The following PALM2AKAP2 variants were observed in gnomAD, a reference collection of about 807,000 sequenced individuals.
The protein encoded by PALM2AKAP2 is PALM2-AKAP2 fusion protein.
In PALM2AKAP2, 37 loss-of-function variants were observed where a neutral mutation model predicts 71.5. That is an observed-to-expected ratio of 0.52 (90% CI 0.40 to 0.68). The LOEUF (loss-of-function observed/expected upper bound fraction) is 0.68. Among genes scored for constraint, PALM2AKAP2 ranks in the 30% least tolerant of loss-of-function variants. The pLI is 0.00. For missense variants in PALM2AKAP2, 1,224 were observed against 1,191.8 expected (o/e 1.03, Z -0.40); for synonymous variants, 468 against 478.8 (o/e 0.98, Z 0.29).
chr9:109,796,881 C>G (rs1827272357), intron 1 of PALM2AKAP2, among the ~76,000 whole-genome samples: 2 of 152,152 alleles, frequency 1.3e-5, no homozygotes, highest in African/African-American at 4.8e-5. Flanking sequence ...TGGGTGGGGA[C>G]ACAGAGCCAA....
chr9:110,028,015 C>T (rs1040049179), intron 7 of PALM2AKAP2, among the ~76,000 whole-genome samples: 7 of 152,214 alleles, frequency 4.6e-5, no homozygotes, highest in Admixed American at 2.6e-4. Flanking sequence ...GAAATATTTT[C>T]GAAGATTTTT....
At chr9:109,740,359 G>A (rs1045335393) in intron 1 of PALM2AKAP2, among the ~76,000 whole-genome samples, 4 of 152,192 alleles carry the variant, frequency 2.6e-5, no homozygotes, top group African/African-American at 9.7e-5. Flanking sequence ...TGAGGATAGG[G>A]AGTGTGGTGT....
At chr9:110,129,152 A>G (rs1002053097) in intron 1 of PALM2AKAP2, among the ~76,000 whole-genome samples, 3 of 152,240 alleles carry the variant, frequency 2.0e-5, no homozygotes, top group African/African-American at 4.8e-5. Context: ...TCACATTTCT[A>G]GCTGACACGT....
intron 3 of PALM2AKAP2, among the ~76,000 whole-genome samples, chr9:109,913,923 A>T (rs1019956668): frequency 6.6e-6 from 1 of 151,822 alleles, no homozygotes; most frequent in Non-Finnish European, 1.5e-5. Context: ...CGCCCAGCTA[A>T]TTTTTTGTAT....
At chr9:109,795,006 A>T (rs1349371031) in intron 1 of PALM2AKAP2, among the ~76,000 whole-genome samples, 1 of 152,340 alleles carries the variant, frequency 6.6e-6, no homozygotes, top group African/African-American at 2.4e-5. Flanking sequence ...TAGATGGGCT[A>T]CTTCTGAGCA....
At chr9:109,812,819 C>T (rs1198077065) in intron 1 of PALM2AKAP2, among the ~76,000 whole-genome samples, 1 of 152,158 alleles carries the variant, frequency 6.6e-6, no homozygotes, top group Non-Finnish European at 1.5e-5. Flanking sequence ...GCATCACTGC[C>T]TTGCTCCGTG....
chr9:109,932,552 A>G (rs1221222784), intron 6 of PALM2AKAP2, among the ~76,000 whole-genome samples: 1 of 152,242 alleles, frequency 6.6e-6, no homozygotes, highest in Non-Finnish European at 1.5e-5. Flanking sequence ...AAAAGAAGCA[A>G]TTTAAAGCAC....
At chr9:110,098,789 C>T (rs143476377) in intron 1 of PALM2AKAP2, among the ~76,000 whole-genome samples, 50 of 152,318 alleles carry the variant, frequency 3.3e-4, no homozygotes, top group African/African-American at 1.0e-3. Context: ...CCTTGGCATT[C>T]TACTTCACCA....
At chr9:109,770,223 T>C (rs1214341038) in intron 1 of PALM2AKAP2, among the ~76,000 whole-genome samples, 1 of 152,114 alleles carries the variant, frequency 6.6e-6, no homozygotes, top group African/African-American at 2.4e-5. Flanking sequence ...CACTTTCTCT[T>C]GTTCCTCTCA....
At chr9:109,991,018 G>T (rs143995850) in intron 6 of PALM2AKAP2, among the ~76,000 whole-genome samples, 1 of 152,122 alleles carries the variant, frequency 6.6e-6, no homozygotes, top group Admixed American at 6.5e-5. Context: ...GGCTTCCTAG[G>T]GCAATTACCC....
At chr9:109,786,429 G>A (rs1374627828) in intron 1 of PALM2AKAP2, among the ~76,000 whole-genome samples, 1 of 152,238 alleles carries the variant, frequency 6.6e-6, no homozygotes, top group Non-Finnish European at 1.5e-5. Context: ...AGCTGTCAGA[G>A]AACTGGAGAA....
intron 1 of PALM2AKAP2, among the ~76,000 whole-genome samples, chr9:109,785,335 C>T (rs755095271): frequency 1.8e-4 from 27 of 152,208 alleles, no homozygotes; most frequent in Non-Finnish European, 3.4e-4. Context: ...ATGCTACCTT[C>T]TTCCTGAGGT....
chr9:109,826,330 G>A lies in PALM2AKAP2; in HGVS notation c.46-41161G>A, dbSNP rs568865579. On this transcript the variant is annotated intron_variant, in intron 1 of 9. Coordinates refer to the PALM2AKAP2 transcript ENST00000302798. Reference sequence around the variant, plus strand: ...GTATACATATGTAACAAACCTGCACGTTGTGCACATGTACCCTAAAACTTA... The same window carrying A: ...GTATACATATGTAACAAACCTGCACATTGTGCACATGTACCCTAAAACTTA... 4.1e-3 allele frequency among the ~76,000 whole-genome samples: 631 copies of A among 152,060 alleles called. 6 individuals are homozygous for A. The highest frequency in any genetic ancestry group is 0.014 in the African/African-American group (583 of 41,494).
intron 1 of PALM2AKAP2, among the ~76,000 whole-genome samples, chr9:110,101,976 A>G (rs1329759274): frequency 6.6e-6 from 1 of 152,198 alleles, no homozygotes; most frequent in Non-Finnish European, 1.5e-5. Context: ...TGGGCACTGC[A>G]CTGTGCATGT....
intron 3 of PALM2AKAP2, among the ~76,000 whole-genome samples, chr9:109,902,213 G>T (rs922232858): frequency 9.2e-5 from 14 of 152,168 alleles, no homozygotes; most frequent in Admixed American, 7.9e-4. Flanking sequence ...TCAATGATAT[G>T]TATCTCATTT....
chr9:110,148,461 T>C (rs950632754), intron 2 of PALM2AKAP2: 3 of 152,104 alleles, frequency 2.0e-5, no homozygotes, highest in Non-Finnish European at 4.4e-5. Flanking sequence ...AAGGAGGAGA[T>C]GAAAGAAGAA....
chr9:109,859,122 G>T (rs944126888), intron 1 of PALM2AKAP2, among the ~76,000 whole-genome samples: 7 of 152,158 alleles, frequency 4.6e-5, no homozygotes, highest in African/African-American at 1.7e-4. Context: ...AAGGTTTTGG[G>T]TGTTAAATTA....
chr9:109,666,776 AC>A (rs373175009), intron 1 of PALM2AKAP2, among the ~76,000 whole-genome samples: 1 of 152,252 alleles, frequency 6.6e-6, no homozygotes, highest in South Asian at 2.1e-4. Context: ...GAGGAAAAAA[AC>A]ATAGCAAAAG....
exon 4 of PALM2AKAP2, chr9:110,171,569 C>T (rs1410666539): frequency 6.6e-6 from 1 of 152,114 alleles, no homozygotes; most frequent in Non-Finnish European, 1.5e-5. Flanking sequence ...AACCTTGGGC[C>T]ACCGCTTTGT....
Sources: gnomAD v4.1 joint callset for allele counts (sites outside exome capture counted in the v4.1 genomes callset) on GRCh38, gnomAD v4.1.1 for gene constraint, MANE v1.5 for transcripts, NCBI Gene and HGNC (gene_info 2026-07-23, HGNC 2026-07-21) for gene names.